The following CTNNA3 variants were observed in gnomAD, a reference collection of about 807,000 sequenced individuals.
CTNNA3 encodes the protein catenin alpha 3, also known as catenin alpha-3.
Under a neutral mutation model 95.7 loss-of-function variants are expected in CTNNA3, and 76 were observed. The ratio of observed to expected loss-of-function variants is 0.79; its 90% CI spans 0.66 to 0.96. CTNNA3 has a LOEUF of 0.96. Among genes scored for constraint, CTNNA3 ranks in the 40% least tolerant of loss-of-function variants. The pLI is 0.00. For synonymous variants in CTNNA3, 431 were observed against 374.4 expected, an observed-to-expected ratio of 1.15 and a Z score of -1.74; for missense variants, 1,191 against 1,089.8, an observed-to-expected ratio of 1.09 and a Z score of -1.31.
intron 9 of CTNNA3, among the ~76,000 whole-genome samples, chr10:66,657,587 T>A (rs778770106): frequency 1.7e-4 from 26 of 152,194 alleles, no homozygotes; most frequent in Non-Finnish European, 3.7e-4. Context: ...CTGTCATCTT[T>A]GCAATTTCTC....
chr10:66,720,729 G>C (rs1383066761), intron 9 of CTNNA3, among the ~76,000 whole-genome samples: 1 of 152,162 alleles, frequency 6.6e-6, no homozygotes, highest in African/African-American at 2.4e-5. Context: ...AGCTACTTGG[G>C]AGGCTGAGGC....
intron 13 of CTNNA3, among the ~76,000 whole-genome samples, chr10:66,267,148 A>C (rs139110486): frequency 7.8e-4 from 118 of 152,212 alleles, no homozygotes; most frequent in Middle Eastern, 3.4e-3. Context: ...CTCTATACTA[A>C]GCCTAGTAAT....
chr10:66,112,337 T>C (rs1339358447), intron 13 of CTNNA3, among the ~76,000 whole-genome samples: 1 of 152,160 alleles, frequency 6.6e-6, no homozygotes, highest in Non-Finnish European at 1.5e-5. Context: ...AAGATGTATG[T>C]CTCTATTTGT....
rs139393543 is a variant in CTNNA3, at chr10:67,274,031, T to C, written c.580-54161A>G. Among the ~76,000 whole-genome samples, 832 of 152,276 alleles carry C rather than the reference T, an allele frequency of 5.5e-3. 24 individuals carry two copies. The highest frequency in any genetic ancestry group is 0.05 in the Admixed American group (768 of 15,278). On this transcript the variant is annotated intron_variant, in intron 5 of 17. Transcript: ENST00000433211. ...TACGCTTAAGATTTAGGCATTTAAA[T>C]GAAAGTTTTGCCATAAATTTACTAT...
chr10:67,693,326 A>C (rs931523106), intron 1 of CTNNA3, among the ~76,000 whole-genome samples: 2 of 152,148 alleles, frequency 1.3e-5, no homozygotes, highest in African/African-American at 4.8e-5. Context: ...TCTCACTTAA[A>C]ATCCAGTATC....
intron 12 of CTNNA3, among the ~76,000 whole-genome samples, chr10:66,350,240 A>G (rs2092556528): frequency 6.6e-6 from 1 of 152,108 alleles, no homozygotes; most frequent in Admixed American, 6.5e-5. Flanking sequence ...ACTGAAAGAC[A>G]CATAAGACTA....
chr10:66,941,709 T>G (rs2132682501), intron 7 of CTNNA3, among the ~76,000 whole-genome samples: 1 of 152,310 alleles, frequency 6.6e-6, no homozygotes, highest in Admixed American at 6.5e-5. Flanking sequence ...TTGACCGCAC[T>G]GCCCGTGCCA....
chr10:67,142,576 T>G (rs1187515232), intron 7 of CTNNA3, among the ~76,000 whole-genome samples: 2 of 152,206 alleles, frequency 1.3e-5, no homozygotes, highest in Admixed American at 1.3e-4. Context: ...TTACTCTATA[T>G]TACTGTAGCC....
At chr10:66,331,353 T>C (rs961990584) in intron 12 of CTNNA3, among the ~76,000 whole-genome samples, 2 of 122,968 alleles carry the variant, frequency 1.6e-5, no homozygotes, top group Non-Finnish European at 1.7e-5. Flanking sequence ...TTTTTTTTTT[T>C]TTTTTTTTTT....
chr10:67,298,567 T>C (rs765987329), intron 5 of CTNNA3, among the ~76,000 whole-genome samples: 1 of 152,214 alleles, frequency 6.6e-6, no homozygotes, highest in Non-Finnish European at 1.5e-5. Flanking sequence ...AACAATTTAA[T>C]AGTATATTTG....
chr10:67,726,656 A>AG (rs1841229952), intron 1 of CTNNA3, among the ~76,000 whole-genome samples: 1 of 90,932 alleles, frequency 1.1e-5, no homozygotes, highest in African/African-American at 4.6e-5. Flanking sequence ...ACTATAATAT[A>AG]TTATATATTA....
At chr10:66,015,762 G>A (rs914335128) in intron 15 of CTNNA3, among the ~76,000 whole-genome samples, 1 of 152,072 alleles carries the variant, frequency 6.6e-6, no homozygotes, top group Admixed American at 6.6e-5. Context: ...CTTTTATGGA[G>A]AAGCACATTC....
At chr10:66,276,810 CTTA>C (rs1390439517) in intron 13 of CTNNA3, among the ~76,000 whole-genome samples, 1 of 150,042 alleles carries the variant, frequency 6.7e-6, no homozygotes, top group Non-Finnish European at 1.5e-5. Flanking sequence ...TAGCTATCTT[CTTA>C]TTATAGCCTA....
intron 5 of CTNNA3, among the ~76,000 whole-genome samples, chr10:67,220,084 A>G (rs1302776795): frequency 3.3e-5 from 5 of 152,216 alleles, no homozygotes; most frequent in Non-Finnish European, 7.3e-5. Flanking sequence ...TAATAAGTAA[A>G]GGTCCCCGTA....
intron 13 of CTNNA3, among the ~76,000 whole-genome samples, chr10:66,115,547 T>C (rs1239301593): frequency 1.4e-5 from 2 of 146,452 alleles, no homozygotes; most frequent in Non-Finnish European, 3.0e-5. Flanking sequence ...GATAGATAGA[T>C]AGATAGATAG....
At chr10:67,416,644 G>C (rs1435743373) in intron 5 of CTNNA3, among the ~76,000 whole-genome samples, 1 of 146,392 alleles carries the variant, frequency 6.8e-6, no homozygotes, top group Non-Finnish European at 1.5e-5. Flanking sequence ...AGTGGACAAA[G>C]GACATGAACA....
At chr10:66,745,471 G>A (rs1838823632) in intron 9 of CTNNA3, among the ~76,000 whole-genome samples, 1 of 152,008 alleles carries the variant, frequency 6.6e-6, no homozygotes, top group Admixed American at 6.6e-5. Context: ...AGCCAGGCCT[G>A]CTGACAAAGG....
chr10:66,704,249 T>C (rs760966021), intron 9 of CTNNA3, among the ~76,000 whole-genome samples: 10 of 152,156 alleles, frequency 6.6e-5, no homozygotes, highest in Non-Finnish European at 1.5e-4. Context: ...GTCAACACTA[T>C]ACTCTTCCAT....
chr10:65,945,889 C>G (rs2077509407), intron 17 of CTNNA3, among the ~76,000 whole-genome samples: 1 of 152,128 alleles, frequency 6.6e-6, no homozygotes, highest in African/African-American at 2.4e-5. Context: ...GTAATACTCA[C>G]AGAAATGAAG....
Sources: allele counts gnomAD v4.1 joint callset (sites outside exome capture counted in the v4.1 genomes callset), GRCh38; gene constraint gnomAD v4.1.1; transcripts MANE v1.5; gene names NCBI Gene and HGNC (gene_info 2026-07-23, HGNC 2026-07-21).